Variants in SLC9A7 observed in about 807,000 individuals in gnomAD.
The protein encoded by SLC9A7 is sodium/hydrogen exchanger 7.
Under a neutral mutation model 52.6 loss-of-function variants are expected in SLC9A7, and 19 were observed. The observed-to-expected ratio is 0.36, with a 90% CI of 0.25 to 0.53. SLC9A7 has a LOEUF of 0.53. Among genes scored for constraint, SLC9A7 ranks in the 20% least tolerant of loss-of-function variants. SLC9A7 has a pLI of 0.91. For missense variants in SLC9A7, 455 were observed against 597.9 expected, an observed-to-expected ratio of 0.76 and a Z score of 2.49; for synonymous variants, 226 against 252.1, an observed-to-expected ratio of 0.90 and a Z score of 0.98.
chrX:46,655,171 G>C (rs1485503471), intron 7 of SLC9A7, among the ~76,000 whole-genome samples: 1 of 109,242 alleles, frequency 9.2e-6, no homozygotes, highest in Non-Finnish European at 1.9e-5. Flanking sequence ...TTTTAGTAGA[G>C]ACAGGGTTTC....
rs1434711902 is a variant in SLC9A7, at chrX:46,669,318, A to G, written c.793+289T>C. Among the ~76,000 whole-genome samples, 4 of 110,393 alleles carry G rather than the reference A, an allele frequency of 3.6e-5. No individual in the cohort carries two copies. In the East Asian group the frequency reaches 1.1e-3, roughly 31 times the overall value. On this transcript the variant is annotated intron_variant, in intron 5 of 16. Coordinates refer to ENST00000616978, the MANE Select transcript of SLC9A7 (RefSeq NM_001257291.2). Reference sequence around the variant, plus strand: ...GTCCCGCTGCTTGGGAGGCTGAGGCAGGAGGATTGCTTGAGCCCAGGAGGT... The same window carrying G: ...GTCCCGCTGCTTGGGAGGCTGAGGCGGGAGGATTGCTTGAGCCCAGGAGGT...
chrX:46,694,854 G>A lies in SLC9A7; in HGVS notation c.326-12319C>T, dbSNP rs57885162. Among the ~76,000 whole-genome samples the A allele has an allele frequency of 8.9e-4, 100 of 112,218 alleles. 1 individual carries two copies. The East Asian group carries it at 0.023, about 26-fold the overall frequency. On this transcript the variant is annotated intron_variant, in intron 1 of 16. Transcript: ENST00000616978. ...CTCAAATGTCCATCAACTGATGAAT[G>A]GATAAACAAAATGTGGTCTATCCAT...
At chrX:46,655,586 T>C (rs1209988707) in intron 7 of SLC9A7, among the ~76,000 whole-genome samples, 1 of 111,909 alleles carries the variant, frequency 8.9e-6, no homozygotes, top group Non-Finnish European at 1.9e-5. Flanking sequence ...GGAGTTCCCT[T>C]TCCTAGTCAA....
chrX:46,675,172 C>G (rs1204356476), intron 3 of SLC9A7, among the ~76,000 whole-genome samples: 2 of 105,468 alleles, frequency 1.9e-5, no homozygotes, highest in African/African-American at 6.8e-5. Flanking sequence ...TATTTCCCTG[C>G]CAAGGCCCTC....
At position 46,607,202 on chromosome X, in the gene SLC9A7, T is replaced by C; in HGVS notation, c.1931A>G (p.Asn644Ser). Residue 644 changes from asparagine (N) to serine (S), a missense_variant and splice_region_variant, in exon 17 of 17, where the codon AAC becomes AGC. This residue lies in a region of SLC9A7 where 146 missense variants were observed against 160.5 expected (regional missense o/e 0.91). Transcript: ENST00000616978. ...GTCTTCCTCTCTCAGTGGCTCTTGG[T>C]TCTGAAAAGTGCAACCAACAACAAC... ...RCLTSPQVYD[N>S]QEPLREEDSD... The C allele has an allele frequency of 8.3e-7, 1 of 1,208,471 alleles. No homozygotes were observed. The highest frequency in any genetic ancestry group is 1.8e-5 in the South Asian group (1 of 56,716).
intron 4 of SLC9A7, 43 bp downstream of exon 4, chrX:46,672,508 T>A: frequency 9.8e-7 from 1 of 1,025,214 alleles, no homozygotes; most frequent in Non-Finnish European, 1.4e-6. Context: ...CTCATCCCTA[T>A]GGAACGTGTG....
At chrX:46,701,754 AGT>A (rs1406012266) in intron 1 of SLC9A7, among the ~76,000 whole-genome samples, 2 of 111,534 alleles carry the variant, frequency 1.8e-5, no homozygotes, top group African/African-American at 6.5e-5. Flanking sequence ...CAAGCCGGGC[AGT>A]GAGTATGGAC....
At chrX:46,707,070 T>C (rs909229381) in intron 1 of SLC9A7, among the ~76,000 whole-genome samples, 3 of 111,388 alleles carry the variant, frequency 2.7e-5, no homozygotes, top group Non-Finnish European at 5.7e-5. Flanking sequence ...GACAGCTTCT[T>C]GCCTTCCCTG....
intron 1 of SLC9A7, among the ~76,000 whole-genome samples, chrX:46,738,422 G>A (rs141876701): frequency 1.8e-3 from 199 of 111,974 alleles, no homozygotes; most frequent in African/African-American, 6.0e-3. Flanking sequence ...ACTCTATTTA[G>A]GAATTTTTCA....
chrX:46,708,509 G>A (rs1355955057), intron 1 of SLC9A7, among the ~76,000 whole-genome samples: 2 of 109,063 alleles, frequency 1.8e-5, no homozygotes, highest in Non-Finnish European at 3.8e-5. Flanking sequence ...CAGCCTGGGC[G>A]ACAGAGTGAG....
intron 1 of SLC9A7, among the ~76,000 whole-genome samples, chrX:46,687,813 G>A (rs1944318720): frequency 8.9e-6 from 1 of 111,913 alleles, no homozygotes; most frequent in Non-Finnish European, 1.9e-5. Context: ...ATCTGATTTT[G>A]AAACATTTCC....
chrX:46,669,463 T>C (rs1943982695), intron 5 of SLC9A7, 144 bp downstream of exon 5: 1 of 391,041 alleles, frequency 2.6e-6, no homozygotes, highest in Non-Finnish European at 4.4e-6. Context: ...GACCCACCTA[T>C]TGGTCACTTC....
At chrX:46,620,872 C>A in intron 15 of SLC9A7, 105 bp downstream of exon 15, 1 of 575,312 alleles carries the variant, frequency 1.7e-6, no homozygotes, top group Non-Finnish European at 2.8e-6. Flanking sequence ...ATCCCTGTCC[C>A]AAGCATGCAT....
chrX:46,680,097 T>A (rs1944186722), intron 2 of SLC9A7, among the ~76,000 whole-genome samples: 1 of 111,705 alleles, frequency 9.0e-6, no homozygotes, highest in Non-Finnish European at 1.9e-5. Context: ...ATGCCTGTAA[T>A]CCTAGCACTT....
intron 1 of SLC9A7, among the ~76,000 whole-genome samples, chrX:46,708,215 G>T (rs1253776151): frequency 2.7e-5 from 3 of 111,619 alleles, no homozygotes; most frequent in Non-Finnish European, 3.8e-5. Flanking sequence ...AACAAATAGG[G>T]ACATGAATCA....
Position 46,600,867 on chromosome X carries a change from T to C in SLC9A7, c.*6085A>G, listed in dbSNP as rs1483958241. 1.8e-5 allele frequency: 2 copies of C among 111,898 alleles called. No homozygotes were observed. Among genetic ancestry groups the C allele is most frequent in the Non-Finnish European group, 3.8e-5 (2 of 53,237 alleles). The allele number at this position is 111,898 out of a possible 1,213,427, so 9.2% of individuals were successfully genotyped here. On this transcript the variant is annotated 3_prime_UTR_variant, in exon 17 of 17. Coordinates refer to ENST00000616978, the MANE Select transcript of SLC9A7 (RefSeq NM_001257291.2). ...AAGCAGTATTCAGATGGGTTGTTTC[T>C]AAACTACAACTCTTGGCCACTAGAT...
chrX:46,727,177 T>C (rs749719701), intron 1 of SLC9A7, among the ~76,000 whole-genome samples: 7 of 111,738 alleles, frequency 6.3e-5, no homozygotes, highest in Non-Finnish European at 1.1e-4. Context: ...CCTGAATATG[T>C]TTCCTGTCTC....
chrX:46,667,272 C>T (rs765168979), intron 5 of SLC9A7, among the ~76,000 whole-genome samples: 2 of 111,574 alleles, frequency 1.8e-5, no homozygotes, highest in Non-Finnish European at 3.8e-5. Context: ...AACCCAAGGC[C>T]TGTGACTCCA....
intron 6 of SLC9A7, among the ~76,000 whole-genome samples, 161 bp downstream of exon 6, chrX:46,662,377 G>T (rs1943838925): frequency 9.0e-6 from 1 of 111,602 alleles, no homozygotes; most frequent in Non-Finnish European, 1.9e-5. Context: ...GATTGCTGCT[G>T]GGCACACAAA....
Sources: gnomAD v4.1 joint callset for allele counts (sites outside exome capture counted in the v4.1 genomes callset) on GRCh38, gnomAD v4.1.1 for gene constraint, gnomAD v4.1.1 regional missense constraint, MANE v1.5 for transcripts, NCBI Gene and HGNC (gene_info 2026-07-23, HGNC 2026-07-21) for gene names.